IQSEC3: variants seen among roughly 807,000 people sequenced by gnomAD.
The protein encoded by IQSEC3 is IQ motif and SEC7 domain-containing protein 3.
A neutral mutation model predicts 105.4 loss-of-function variants in IQSEC3; 50 were observed. That is an observed-to-expected ratio of 0.47 (90% CI 0.38 to 0.60). The LOEUF (loss-of-function observed/expected upper bound fraction) is 0.60, where lower values mean the gene tolerates loss of function less well. IQSEC3 is among the 20% of genes least tolerant of loss of function. IQSEC3 has a pLI of 0.00. For missense variants in IQSEC3, 1,415 were observed against 1,630.0 expected, an observed-to-expected ratio of 0.87 and a Z score of 2.27; for synonymous variants, 708 against 746.0, an observed-to-expected ratio of 0.95 and a Z score of 0.83.
intron 5 of IQSEC3, 127 bp from the exon 6 acceptor site, chr12:156,898 A>C: frequency 1.1e-5 from 13 of 1,206,290 alleles, no homozygotes; most frequent in Non-Finnish European, 1.4e-5. Context: ...TTAAAGGGCG[A>C]CCCCCGGGGG....
intron 7 of IQSEC3, 73 bp downstream of exon 7, chr12:157,767 G>GT: frequency 6.7e-7 from 1 of 1,496,494 alleles, no homozygotes; most frequent in South Asian, 1.3e-5. Flanking sequence ...CGTGCATTCT[G>GT]TGAGTCTGAG....
At chr12:136,132 A>C (rs947588894) in intron 3 of IQSEC3, among the ~76,000 whole-genome samples, 1 of 152,196 alleles carries the variant, frequency 6.6e-6, no homozygotes, top group Non-Finnish European at 1.5e-5. Context: ...CATGAAATGC[A>C]AGTAACTTTG....
intron 1 of IQSEC3, among the ~76,000 whole-genome samples, chr12:81,264 T>C (rs1863737163): frequency 6.6e-6 from 1 of 152,170 alleles, no homozygotes; most frequent in South Asian, 2.1e-4. Flanking sequence ...GTTGAGGGCA[T>C]TGGAGTCCGT....
intron 2 of IQSEC3, among the ~76,000 whole-genome samples, chr12:108,352 T>G (rs535244261): frequency 6.6e-6 from 1 of 152,374 alleles, no homozygotes; most frequent in South Asian, 2.1e-4. Context: ...TTATATGAGC[T>G]TCAGGGCTTG....
chr12:103,474 CA>C (rs1565397000), intron 2 of IQSEC3, among the ~76,000 whole-genome samples: 2 of 66,116 alleles, frequency 3.0e-5, no homozygotes, highest in Non-Finnish European at 2.9e-5. Context: ...AGGCGGGGCT[CA>C]GGAGGGGAGG....
chr12:113,489 G>A (rs1243625819), intron 2 of IQSEC3, among the ~76,000 whole-genome samples: 1 of 152,238 alleles, frequency 6.6e-6, no homozygotes, highest in African/African-American at 2.4e-5. Flanking sequence ...CTGTTTGAAT[G>A]TGTCACCTTG....
intron 2 of IQSEC3, among the ~76,000 whole-genome samples, chr12:100,398 CT>C (rs1864384894): frequency 6.6e-6 from 1 of 152,206 alleles, no homozygotes; most frequent in Admixed American, 6.5e-5. Context: ...ATTCTGTGAT[CT>C]TTCCCCCTTT....
At chr12:163,650 G>A in intron 9 of IQSEC3, 31 bp downstream of exon 9, 1 of 1,254,820 alleles carries the variant, frequency 8.0e-7, no homozygotes, top group Non-Finnish European at 1.2e-6. Context: ...GACTGGGCTG[G>A]GCTGGGGCTG....
chr12:149,484 A>G (rs1866418714), intron 5 of IQSEC3, among the ~76,000 whole-genome samples: 1 of 152,230 alleles, frequency 6.6e-6, no homozygotes, highest in Non-Finnish European at 1.5e-5. Flanking sequence ...CCAAAGGCAC[A>G]GGCCACTGAG....
intron 3 of IQSEC3, 129 bp downstream of exon 3, chr12:126,041 C>A (rs1460444032): frequency 4.1e-5 from 41 of 1,007,416 alleles, no homozygotes; most frequent in Non-Finnish European, 5.5e-5. Context: ...CCACAGTTCT[C>A]CTGCATTGAG....
rs79905283 is a variant in IQSEC3, at chr12:99,834, G to A, written c.623+620G>A. ...TCCCTGTCCCGCTTCCTGGAGTTCC[G>A]TCTCCGTCCCGTGATCAGCCTTCTC... On this transcript the variant is annotated intron_variant, in intron 2 of 13. Coordinates refer to ENST00000538872, the MANE Select transcript of IQSEC3 (RefSeq NM_001170738.2). Among the ~76,000 whole-genome samples, 94 of 152,142 alleles carry A rather than the reference G, an allele frequency of 6.2e-4. 1 individual carries two copies. In the East Asian group the frequency reaches 0.015, roughly 24 times the overall value.
intron 7 of IQSEC3, among the ~76,000 whole-genome samples, chr12:159,289 T>TC (rs1335775074): frequency 3.3e-5 from 5 of 152,248 alleles, no homozygotes; most frequent in Non-Finnish European, 1.5e-5. Flanking sequence ...AGAGTCATCT[T>TC]CCGGGAGCCT....
At position 138,721 on chromosome 12, in the gene IQSEC3, G is replaced by T; in HGVS notation, c.1358G>T (p.Gly453Val). The T allele has an allele frequency of 6.7e-7, 1 of 1,500,342 alleles. No homozygotes were observed. Among genetic ancestry groups the T allele is most frequent in the Non-Finnish European group, 8.8e-7 (1 of 1,130,518 alleles). 92.9% of individuals were successfully genotyped at this position (1,500,342 alleles called of 1,614,324 possible). A position where few individuals can be genotyped will look rare whatever the true frequency, so the allele number is the denominator to read the frequency against. Residue 453 changes from glycine (G) to valine (V), a missense_variant, in exon 4 of 14, where the codon GGG (glycine) becomes GTG (valine). Coordinates refer to ENST00000538872, the MANE Select transcript of IQSEC3 (RefSeq NM_001170738.2). The surrounding 1 kb of genome is among the most constrained non-coding windows in gnomAD (Gnocchi z 7.1). ...GGGCCCCCAGGCCTGGAGGCCGAGG[G>T]GCGGGCGCCGGAGAGCGCGGGCCCC... ...AAGPPGLEAE[G>V]RAPESAGPGP...
rs782748951 is a variant in IQSEC3, at chr12:139,289, G to T, written c.1926G>T (p.Ser642=). Reference sequence around the variant, plus strand: ...GCGAGAACCCAGCCAGCTGCAAGTCGCCCACGCTCTCCACCGACACCCTGC... The same window carrying T: ...GCGAGAACCCAGCCAGCTGCAAGTCTCCCACGCTCTCCACCGACACCCTGC... The part of the protein sequence containing the change: ...YHCENPASCK[S]PTLSTDTLRK... Residue 642 remains serine (S), a synonymous_variant, in exon 4 of 14, where the codon TCG becomes TCT. Transcript: ENST00000538872. 6.2e-7 allele frequency: 1 copy of T among 1,606,942 alleles called. No homozygotes were observed. The highest frequency in any genetic ancestry group is 1.7e-5 in the Admixed American group (1 of 59,464).
intron 5 of IQSEC3, among the ~76,000 whole-genome samples, chr12:145,195 C>A (rs1052680780): frequency 5.9e-5 from 9 of 152,330 alleles, no homozygotes; most frequent in Non-Finnish European, 7.3e-5. Context: ...GGTAAGAGTA[C>A]CTGTCTCATA....
Position 165,810 on chromosome 12 carries a change from C to T in IQSEC3, c.2891C>T (p.Ser964Leu), listed in dbSNP as rs1867145381. 3.7e-6 allele frequency: 6 copies of T among 1,613,900 alleles called. No homozygotes were observed. Among genetic ancestry groups the T allele is most frequent in the South Asian group, 1.1e-5 (1 of 91,088 alleles). ...GTGCTGCATTTCTGTGCCCTGGGCT[C>T]GGACGAGATGCAGAAGTTCGTGGAG... ...KQVLHFCALG[S>L]DEMQKFVEDL... The change falls in exon 11 of 14, where the codon TCG becomes TTG. Residue 964 changes from serine to leucine, a missense_variant. By Grantham distance (145) the Ser-to-Leu change is moderately radical. Around this residue, in one of 6 missense-constraint regions of IQSEC3, gnomAD observed 419 missense variants for 436.2 expected, o/e 0.96. Transcript: ENST00000538872.
chr12:78,370 A>T (rs1258743682), intron 1 of IQSEC3, among the ~76,000 whole-genome samples: 8 of 151,862 alleles, frequency 5.3e-5, no homozygotes, highest in Non-Finnish European at 1.0e-4. Flanking sequence ...TGGTGCGAGT[A>T]GATTGCCTTG....
In IQSEC3 at chr12:171,098, CTT is replaced by C; in HGVS notation, c.3065-12_3065-11del. On this transcript the variant is annotated splice_polypyrimidine_tract_variant and intron_variant, in intron 12 of 13. Transcript: ENST00000538872. Reference sequence around the variant, plus strand: ...GCCGGTGGAGAATGAGCCCTGTGCTCTTTGCATTCAAAGCCAAAAGGGAAGCC... The same window carrying C: ...GCCGGTGGAGAATGAGCCCTGTGCTCTGCATTCAAAGCCAAAAGGGAAGCC... 6.2e-7 allele frequency: 1 copy of C among 1,613,566 alleles called. No individual in the cohort carries two copies. Among genetic ancestry groups the C allele is most frequent in the Non-Finnish European group, 8.5e-7 (1 of 1,179,904 alleles).
At position 169,078 on chromosome 12, in the gene IQSEC3, C is replaced by T. The variant is rs782323772; in HGVS notation, c.3037C>T (p.Pro1013Ser). ...SFKPCGAQGDPQSKQGSPTAK... is the reference protein window; with the variant it reads ...SFKPCGAQGDSQSKQGSPTAK... ...CAAGCCCTGCGGAGCCCAGGGGGAC[C>T]CACAGTCAAAGCAAGGATCGCCGAC... Residue 1013 changes from proline (P) to serine (S), a missense_variant, in exon 12 of 14, where the codon CCA (proline) becomes TCA (serine). This residue lies in a region of IQSEC3 where 419 missense variants were observed against 436.2 expected (regional missense o/e 0.96). Coordinates refer to ENST00000538872, the MANE Select transcript of IQSEC3 (RefSeq NM_001170738.2). The T allele has an allele frequency of 6.2e-6, 10 of 1,614,002 alleles. No individual in the cohort carries two copies. The highest frequency in any genetic ancestry group is 3.3e-4 in the Middle Eastern group (2 of 6,062).
Sources: allele counts gnomAD v4.1 joint callset (sites outside exome capture counted in the v4.1 genomes callset), GRCh38; gene constraint gnomAD v4.1.1; regional missense constraint gnomAD v4.1.1; non-coding constraint Gnocchi (gnomAD v3.1); transcripts MANE v1.5; gene names NCBI Gene and HGNC (gene_info 2026-07-23, HGNC 2026-07-21).